The following CDH13 variants were observed in gnomAD, a reference collection of about 807,000 sequenced individuals.
CDH13 encodes the protein cadherin 13.
A neutral mutation model predicts 63.8 loss-of-function variants in CDH13; 24 were observed. That is an observed-to-expected ratio of 0.38 (90% CI 0.27 to 0.53). The LOEUF (loss-of-function observed/expected upper bound fraction) is 0.53. Among genes scored for constraint, CDH13 ranks in the 20% least tolerant of loss-of-function variants. The probability of loss-of-function intolerance (pLI) is 0.85; values close to 1 mark genes in which losing one functional copy is unlikely to be tolerated. For missense variants in CDH13, 1,049 were observed against 903.1 expected (o/e 1.16, Z -2.07); for synonymous variants, 503 against 355.3 (o/e 1.42, Z -4.67).
At chr16:82,709,565 A>G (rs1264467255) in intron 1 of CDH13, among the ~76,000 whole-genome samples, 1 of 152,196 alleles carries the variant, frequency 6.6e-6, no homozygotes, top group Non-Finnish European at 1.5e-5. Flanking sequence ...GGATAACACT[A>G]ATAGGTACCT....
At chr16:83,276,424 A>C (rs1283820916) in intron 5 of CDH13, among the ~76,000 whole-genome samples, 1 of 152,068 alleles carries the variant, frequency 6.6e-6, no homozygotes, top group Non-Finnish European at 1.5e-5. Flanking sequence ...TTGCCTCTCA[A>C]ACACCTTTGA....
At chr16:83,085,490 G>A (rs1021359676) in intron 3 of CDH13, among the ~76,000 whole-genome samples, 1 of 152,148 alleles carries the variant, frequency 6.6e-6, no homozygotes, top group Non-Finnish European at 1.5e-5. Context: ...AATGTGGAAA[G>A]GGTGAGCCAG....
At chr16:83,784,663 A>G (rs533993735) in intron 13 of CDH13, among the ~76,000 whole-genome samples, 1 of 149,770 alleles carries the variant, frequency 6.7e-6, no homozygotes, top group Non-Finnish European at 1.5e-5. Context: ...ACAAGAAGCC[A>G]TTATAGCATT....
At chr16:83,696,999 C>G (rs1365197611) in intron 10 of CDH13, among the ~76,000 whole-genome samples, 1 of 152,198 alleles carries the variant, frequency 6.6e-6, no homozygotes, top group Non-Finnish European at 1.5e-5. Context: ...GCAGTCTCTC[C>G]TCCAACCACA....
At chr16:83,032,392 T>C (rs1048524042) in intron 3 of CDH13, 174 bp downstream of exon 3, 7 of 593,392 alleles carry the variant, frequency 1.2e-5, no homozygotes, top group African/African-American at 3.7e-5. Context: ...CGGGAATTAA[T>C]TGATTCATGT....
chr16:83,233,174 G>A (rs550910745), intron 5 of CDH13, among the ~76,000 whole-genome samples: 1 of 152,162 alleles, frequency 6.6e-6, no homozygotes, highest in Non-Finnish European at 1.5e-5. Context: ...GCAAATATAC[G>A]AGACAAAATT....
intron 5 of CDH13, among the ~76,000 whole-genome samples, chr16:83,328,116 G>C (rs1236637073): frequency 8.9e-6 from 1 of 112,680 alleles, no homozygotes; most frequent in Non-Finnish European, 1.8e-5. Context: ...CCAGGAGACA[G>C]TATTGTCAAA....
At position 83,069,382 on chromosome 16, in the gene CDH13, C is replaced by T. The variant is rs9926570; in HGVS notation, c.366+37164C>T. On this transcript the variant is annotated intron_variant, in intron 3 of 13. Transcript: ENST00000567109. ...TATGATCACATAATTTTTGCAATAC[C>T]GTTTTCTTTTCTAAGAATCACCTAT... Among the ~76,000 whole-genome samples, 169 of 152,106 alleles carry T rather than the reference C, an allele frequency of 1.1e-3. 2 individuals carry two copies. Among genetic ancestry groups the T allele is most frequent in the African/African-American group, 3.8e-3 (157 of 41,480 alleles).
At chr16:83,254,402 C>A (rs1416286276) in intron 5 of CDH13, among the ~76,000 whole-genome samples, 1 of 152,160 alleles carries the variant, frequency 6.6e-6, no homozygotes, top group East Asian at 1.9e-4. Context: ...GAGAAAGTTT[C>A]AGGTGTTCTT....
chr16:83,557,434 C>T (rs1445480735), intron 7 of CDH13, among the ~76,000 whole-genome samples: 1 of 152,288 alleles, frequency 6.6e-6, no homozygotes, highest in Admixed American at 6.5e-5. Context: ...ACTGGTCCCT[C>T]ATGCTGAAAA....
At position 82,627,148 on chromosome 16, in the gene CDH13, G is replaced by A; in HGVS notation, c.45+11G>A. 6.2e-7 allele frequency: 1 copy of A among 1,601,988 alleles called. No individual in the cohort carries two copies. The highest frequency in any genetic ancestry group is 2.2e-5 in the East Asian group (1 of 44,506). On this transcript the variant is annotated intron_variant, in intron 1 of 13. Coordinates refer to ENST00000567109, the MANE Select transcript of CDH13 (RefSeq NM_001257.5). Reference sequence around the variant, plus strand: ...GTTCTCCTGTCCCAGGTAGGGAAGAGGGGCTGCCGGGCGCGCTCTGCGCCC... The same window carrying A: ...GTTCTCCTGTCCCAGGTAGGGAAGAAGGGCTGCCGGGCGCGCTCTGCGCCC...
At chr16:83,509,389 A>G (rs542698438) in intron 7 of CDH13, among the ~76,000 whole-genome samples, 5 of 152,354 alleles carry the variant, frequency 3.3e-5, no homozygotes, top group South Asian at 4.1e-4. Context: ...AGGGCCAGAT[A>G]GTAAGTATTT....
chr16:83,507,901 G>C (rs117520610), intron 7 of CDH13, among the ~76,000 whole-genome samples: 19,997 of 151,036 alleles, frequency 0.13, 1,717 homozygotes, highest in South Asian at 0.25. Context: ...CCGTGGTGGC[G>C]GGCGCCTGTA....
intron 6 of CDH13, among the ~76,000 whole-genome samples, chr16:83,430,446 G>A (rs1407918366): frequency 6.6e-6 from 1 of 152,206 alleles, no homozygotes; most frequent in Non-Finnish European, 1.5e-5. Flanking sequence ...AGCTAAAGTA[G>A]TTGACTCTTA....
Position 83,020,523 on chromosome 16 carries a change from G to C in CDH13, c.158-11487G>C, listed in dbSNP as rs146395064. On this transcript the variant is annotated intron_variant, in intron 2 of 13. Transcript: ENST00000567109. Reference sequence around the variant, plus strand: ...GCCAAGCTGTACTCCACTCAAAAATGGGGCCACCCTGCTGCTCAGCATAAC... The same window carrying C: ...GCCAAGCTGTACTCCACTCAAAAATCGGGCCACCCTGCTGCTCAGCATAAC... Among the ~76,000 whole-genome samples, 886 of 152,272 alleles carry C rather than the reference G, an allele frequency of 5.8e-3. 33 individuals are homozygous for C. Among genetic ancestry groups the C allele is most frequent in the Admixed American group, 0.049 (748 of 15,288 alleles).
At chr16:82,734,812 A>G (rs866273797) in intron 1 of CDH13, among the ~76,000 whole-genome samples, 1 of 152,234 alleles carries the variant, frequency 6.6e-6, no homozygotes, top group Non-Finnish European at 1.5e-5. Flanking sequence ...TGGCAACAAC[A>G]GTTACAAGGA....
At chr16:83,680,802 C>A (rs1451227007) in intron 10 of CDH13, among the ~76,000 whole-genome samples, 1 of 152,032 alleles carries the variant, frequency 6.6e-6, no homozygotes, top group Non-Finnish European at 1.5e-5. Context: ...AGGGGTCCTG[C>A]TTACTTGCAT....
chr16:83,119,944 C>G (rs145231376), intron 3 of CDH13, among the ~76,000 whole-genome samples: 2 of 152,268 alleles, frequency 1.3e-5, no homozygotes, highest in Non-Finnish European at 2.9e-5. Flanking sequence ...GAGCCACAGG[C>G]CCAGAAACGC....
intron 1 of CDH13, among the ~76,000 whole-genome samples, chr16:82,662,480 C>T (rs1176377895): frequency 6.6e-6 from 1 of 152,128 alleles, no homozygotes; most frequent in Non-Finnish European, 1.5e-5. Context: ...TTTCTCTTTG[C>T]CTCTTTAGAG....
Sources: gnomAD v4.1 joint callset for allele counts (sites outside exome capture counted in the v4.1 genomes callset) on GRCh38, gnomAD v4.1.1 for gene constraint, MANE v1.5 for transcripts, NCBI Gene and HGNC (gene_info 2026-07-23, HGNC 2026-07-21) for gene names.